Variants in POLB observed in about 807,000 individuals in gnomAD.
The protein encoded by POLB is DNA polymerase beta, also known as 5'-dRP lyase.
POLB carries 37 observed loss-of-function variants against 52.7 expected under a neutral mutation model. That is an observed-to-expected ratio of 0.70 (90% confidence interval 0.54 to 0.92). POLB has a LOEUF of 0.92. Ranked by LOEUF, POLB falls within the 40% of genes least tolerant of loss-of-function variation. POLB has a pLI of 0.00. For missense variants in POLB, 313 were observed against 400.8 expected (o/e 0.78, Z 1.87); for synonymous variants, 138 against 131.3 (o/e 1.05, Z -0.35).
At chr8:42,370,091 G>A in intron 13 of POLB, 103 bp downstream of exon 13, 1 of 874,824 alleles carries the variant, frequency 1.1e-6, no homozygotes, top group South Asian at 1.4e-5. Context: ...ATGCCAGTTA[G>A]TGTAGTTTCT....
chr8:42,367,504 G>A (rs1192264419), intron 11 of POLB, among the ~76,000 whole-genome samples: 1 of 152,126 alleles, frequency 6.6e-6, no homozygotes. Context: ...GAAGATGAGA[G>A]CTCTAGGCTT....
chr8:42,341,380 T>C (rs2130770926), intron 2 of POLB, among the ~76,000 whole-genome samples: 1 of 152,342 alleles, frequency 6.6e-6, no homozygotes, highest in Non-Finnish European at 1.5e-5. Flanking sequence ...CCTTTACTTA[T>C]AAATATGTCT....
chr8:42,345,078 C>A, intron 3 of POLB, 59 bp downstream of exon 3: 1 of 1,130,562 alleles, frequency 8.8e-7, no homozygotes, highest in Non-Finnish European at 1.3e-6. Context: ...TGGTGGGTTC[C>A]CACCAAACCA....
At chr8:42,346,324 T>G (rs577407279) in intron 3 of POLB, among the ~76,000 whole-genome samples, 2 of 152,266 alleles carry the variant, frequency 1.3e-5, no homozygotes, top group South Asian at 4.1e-4. Context: ...AGAATTAATA[T>G]TTGATTATCT....
chr8:42,345,465 A>G (rs1822553176), intron 3 of POLB, among the ~76,000 whole-genome samples: 1 of 152,148 alleles, frequency 6.6e-6, no homozygotes, highest in Non-Finnish European at 1.5e-5. Flanking sequence ...CTTTTGTTTT[A>G]TGGCATTTAG....
intron 13 of POLB, 81 bp downstream of exon 13, chr8:42,370,069 C>A (rs1824281707): frequency 9.7e-7 from 1 of 1,026,350 alleles, no homozygotes; most frequent in African/African-American, 1.6e-5. Context: ...TTTAGCAAAC[C>A]TTCTAATAAC....
chr8:42,343,022 C>G (rs912587079), intron 2 of POLB, among the ~76,000 whole-genome samples: 1 of 151,658 alleles, frequency 6.6e-6, no homozygotes, highest in African/African-American at 2.4e-5. Flanking sequence ...AGACCTGTCT[C>G]TACTAAAAAT....
At chr8:42,364,569 T>C (rs1321153587) in intron 11 of POLB, among the ~76,000 whole-genome samples, 4 of 152,164 alleles carry the variant, frequency 2.6e-5, no homozygotes, top group African/African-American at 4.8e-5. Flanking sequence ...CTGTCACTTA[T>C]ATACATCATT....
chr8:42,370,112 A>G, intron 13 of POLB, 124 bp downstream of exon 13: 1 of 780,278 alleles, frequency 1.3e-6, no homozygotes, highest in South Asian at 1.4e-5. Flanking sequence ...TTGTATTTTT[A>G]GTCCTTCAGG....
Position 42,362,692 on chromosome 8 carries a change from G to A in POLB, c.702G>A (p.Lys234=). The change falls in exon 11 of 14, where the codon AAG becomes AAA. Residue 234 remains lysine (K), a synonymous_variant. Coordinates refer to ENST00000265421, the MANE Select transcript of POLB (RefSeq NM_002690.3). ...ATACCCTGTCAAAGGGTGAGACAAA[G>A]TTCATGGTAAGTACTTGTTAGAGTT... ...ITDTLSKGET[K]FMGVCQLPSK... is the part of the protein sequence containing the mutation. 6.3e-7 allele frequency: 1 copy of A among 1,585,850 alleles called. No individual in the cohort carries two copies. The highest frequency in any genetic ancestry group is 8.7e-7 in the Non-Finnish European group (1 of 1,154,906).
intron 12 of POLB, 157 bp from the exon 13 acceptor site, chr8:42,369,692 G>A: frequency 1.8e-6 from 1 of 546,234 alleles, no homozygotes; most frequent in South Asian, 3.0e-5. Flanking sequence ...AGGTTGGGGT[G>A]ATTTGAGCAG....
chr8:42,347,187 CTCA>C (rs983716829), intron 3 of POLB, among the ~76,000 whole-genome samples: 3 of 151,720 alleles, frequency 2.0e-5, no homozygotes, highest in South Asian at 2.1e-4. Context: ...TTGTAAAAAT[CTCA>C]TCATTATTCC....
rs1823671650 is a variant in POLB at position 42,361,372 on chromosome 8, CAG to C, written c.621+10_621+11del. ...TTCAGAATCAACCAAACAGGTGCCT[CAG>C]AGTTTATAATCAATGGTGATCAGTC... On this transcript the variant is annotated splice_region_variant and intron_variant, in intron 10 of 13. Transcript: ENST00000265421. The C allele has an allele frequency of 6.3e-7, 1 of 1,582,098 alleles. No homozygotes were observed. The highest frequency in any genetic ancestry group is 1.3e-5 in the African/African-American group (1 of 74,378).
At chr8:42,368,152 A>G (rs1409816305) in intron 11 of POLB, among the ~76,000 whole-genome samples, 2 of 152,230 alleles carry the variant, frequency 1.3e-5, no homozygotes, top group African/African-American at 2.4e-5. Flanking sequence ...ATAAAATCCT[A>G]TTACTGATGT....
rs555046106 is a variant in POLB, at chr8:42,361,423, T to C, written c.621+58T>C. ...TCTTACACAACAGTGAATTTCACTT[T>C]TTAAGTGATAGTTGGGTATTTTCAG... On this transcript the variant is annotated intron_variant, in intron 10 of 13. Transcript: ENST00000265421. 7 of 1,147,310 alleles carry C rather than the reference T, an allele frequency of 6.1e-6. No homozygotes were observed. In the East Asian group the frequency reaches 1.4e-4, roughly 23 times the overall value. 71.1% of individuals were successfully genotyped at this position (1,147,310 alleles called of 1,614,324 possible).
At chr8:42,367,196 A>G (rs1297774928) in intron 11 of POLB, among the ~76,000 whole-genome samples, 1 of 152,188 alleles carries the variant, frequency 6.6e-6, no homozygotes, top group African/African-American at 2.4e-5. Flanking sequence ...TTTAAGTAAA[A>G]CTCATATTTG....
intron 6 of POLB, chr8:42,354,634 C>G (rs1166790819): frequency 2.4e-6 from 1 of 412,518 alleles, no homozygotes; most frequent in East Asian, 7.2e-5. Context: ...ACCTCCGCCA[C>G]CTGGGTTCAA....
rs777775138 is a variant in POLB at position 42,371,576 on chromosome 8, A to G, written c.927A>G (p.Glu309=). 3 of 1,606,464 alleles carry G rather than the reference A, an allele frequency of 1.9e-6. No individual in the cohort carries two copies. In the Admixed American group the frequency reaches 5.0e-5, roughly 27 times the overall value. ...RPLGVTGVAG[E]PLPVDSEKDI... The stretch of plus-strand genomic sequence containing the variant: ...CTGTACTTGCAGGAGTTGCAGGAGA[A>G]CCCCTGCCAGTGGATAGTGAAAAAG... The change falls in exon 14 of 14, where the codon GAA becomes GAG. Residue 309 remains glutamate (E), a synonymous_variant. Coordinates refer to ENST00000265421, the MANE Select transcript of POLB (RefSeq NM_002690.3).
chr8:42,343,034 T>C (rs1822311067), intron 2 of POLB, among the ~76,000 whole-genome samples: 1 of 151,572 alleles, frequency 6.6e-6, no homozygotes, highest in African/African-American at 2.4e-5. Context: ...ACTAAAAATA[T>C]AAAATTGGCT....
Sources: allele counts gnomAD v4.1 joint callset (sites outside exome capture counted in the v4.1 genomes callset), GRCh38; gene constraint gnomAD v4.1.1; transcripts MANE v1.5; gene names NCBI Gene and HGNC (gene_info 2026-07-23, HGNC 2026-07-21).